Variants in REPS1 observed in about 807,000 individuals in gnomAD.
REPS1 encodes RALBP1 associated Eps domain containing 1.
REPS1 carries 39 observed loss-of-function variants against 100.9 expected under a neutral mutation model. The ratio of observed to expected loss-of-function variants is 0.39; its 90% CI spans 0.30 to 0.50. The LOEUF is 0.50. Among genes scored for constraint, REPS1 ranks in the 20% least tolerant of loss-of-function variants. The probability of loss-of-function intolerance (pLI) is 0.86; values close to 1 mark genes in which losing one functional copy is unlikely to be tolerated. For missense variants in REPS1, 821 were observed against 968.5 expected (o/e 0.85, Z 2.02); for synonymous variants, 324 against 340.3 (o/e 0.95, Z 0.53).
At chr6:138,970,423 G>C (rs981032062) in intron 1 of REPS1, among the ~76,000 whole-genome samples, 1 of 149,090 alleles carries the variant, frequency 6.7e-6, no homozygotes, top group Non-Finnish European at 1.5e-5. Context: ...ACTGGATTTG[G>C]TGATCAGGAT....
At chr6:138,940,226 G>A (rs898703939) in intron 8 of REPS1, among the ~76,000 whole-genome samples, 2 of 152,192 alleles carry the variant, frequency 1.3e-5, no homozygotes, top group African/African-American at 4.8e-5. Context: ...GATGCTGCCT[G>A]ATAGATAAAT....
intron 8 of REPS1, among the ~76,000 whole-genome samples, chr6:138,931,874 T>C (rs570139675): frequency 6.6e-6 from 1 of 152,210 alleles, no homozygotes; most frequent in African/African-American, 2.4e-5. Flanking sequence ...AGGAGAATAA[T>C]AAAGAAGTAT....
chr6:138,916,637 G>C (rs977906226), intron 13 of REPS1, among the ~76,000 whole-genome samples: 1 of 152,148 alleles, frequency 6.6e-6, no homozygotes, highest in Non-Finnish European at 1.5e-5. Context: ...ATAAAGGAAA[G>C]TCTACTTTCA....
intron 1 of REPS1, among the ~76,000 whole-genome samples, chr6:138,966,605 T>G (rs553836665): frequency 6.6e-6 from 1 of 152,328 alleles, no homozygotes; most frequent in East Asian, 1.9e-4. Context: ...TTGAAACCCA[T>G]GCTCTTTGTC....
At chr6:138,963,613 T>C (rs1184124522) in intron 1 of REPS1, among the ~76,000 whole-genome samples, 2 of 152,186 alleles carry the variant, frequency 1.3e-5, no homozygotes, top group African/African-American at 4.8e-5. Context: ...TCCAAGTGGT[T>C]TTGATTACAC....
rs560048853 is a variant in REPS1 at position 138,910,712 on chromosome 6, G to A, written c.2067+564C>T. Among the ~76,000 whole-genome samples, 10 of 152,066 alleles carry A rather than the reference G, an allele frequency of 6.6e-5. No individual in the cohort carries two copies. In the East Asian group the frequency reaches 7.7e-4, roughly 12 times the overall value. ...CATATTCCTTTATAGCAATGCAGAC[G>A]GACTAACACAGACATAAAACATATA... is the stretch of plus-strand genomic sequence containing the variant. On this transcript the variant is annotated intron_variant, in intron 17 of 19. Coordinates refer to ENST00000450536, the MANE Select transcript of REPS1 (RefSeq NM_001286611.2).
At chr6:138,963,065 T>C (rs1258567752) in intron 1 of REPS1, among the ~76,000 whole-genome samples, 7 of 152,284 alleles carry the variant, frequency 4.6e-5, no homozygotes, top group Non-Finnish European at 1.0e-4. Context: ...CCAACCTAGA[T>C]TGGGCTATCC....
chr6:138,965,540 T>C (rs1783971266), intron 1 of REPS1, among the ~76,000 whole-genome samples: 1 of 152,154 alleles, frequency 6.6e-6, no homozygotes, highest in South Asian at 2.1e-4. Context: ...TTGATCACTA[T>C]CGTATACTTA....
chr6:138,912,320 C>T (rs1372275655), intron 16 of REPS1, among the ~76,000 whole-genome samples: 1 of 152,172 alleles, frequency 6.6e-6, no homozygotes, highest in Non-Finnish European at 1.5e-5. Context: ...ATTTTAAATG[C>T]TTTAATTAGA....
At chr6:138,921,838 G>A (rs1298343344) in intron 10 of REPS1, among the ~76,000 whole-genome samples, 1 of 152,056 alleles carries the variant, frequency 6.6e-6, no homozygotes, top group Non-Finnish European at 1.5e-5. Flanking sequence ...GGCCTACAAA[G>A]TGCTGGGATT....
chr6:138,976,304 A>G (rs1213114509), intron 1 of REPS1, among the ~76,000 whole-genome samples: 1 of 152,166 alleles, frequency 6.6e-6, no homozygotes, highest in African/African-American at 2.4e-5. Flanking sequence ...CACTTCATGC[A>G]ATTTTTTTTT....
intron 1 of REPS1, among the ~76,000 whole-genome samples, chr6:138,957,582 A>T (rs898624502): frequency 5.3e-5 from 8 of 152,210 alleles, no homozygotes; most frequent in African/African-American, 1.9e-4. Context: ...AAGTAGATAC[A>T]TGCCAAGAAA....
At chr6:138,908,861 T>A in intron 17 of REPS1, 45 bp from the exon 18 acceptor site, 1 of 1,583,688 alleles carries the variant, frequency 6.3e-7, no homozygotes, top group Non-Finnish European at 8.6e-7. Context: ...TTTGAAGACA[T>A]TCATAGTTAG....
At chr6:138,960,888 T>C (rs73563034) in intron 1 of REPS1, among the ~76,000 whole-genome samples, 13,224 of 152,178 alleles carry the variant, frequency 0.087, 1,206 homozygotes, top group African/African-American at 0.23. Flanking sequence ...CATTAAGTAT[T>C]GGGAAGTATC....
rs1163244368 is a variant in REPS1 at position 138,913,817 on chromosome 6, G to T, written c.1786-867C>A. Among the ~76,000 whole-genome samples the T allele has an allele frequency of 2.0e-5, 3 of 152,286 alleles. No homozygotes were observed. In the East Asian group the frequency reaches 5.8e-4, roughly 29 times the overall value. On this transcript the variant is annotated intron_variant, in intron 15 of 19. Coordinates refer to ENST00000450536, the MANE Select transcript of REPS1 (RefSeq NM_001286611.2). ...TAACACAAACCTCCATCGCTTTGTG[G>T]ATGTCATACCTTCGGTTTGGAATAC...
At chr6:138,937,404 A>T (rs1781919834) in intron 8 of REPS1, among the ~76,000 whole-genome samples, 1 of 152,252 alleles carries the variant, frequency 6.6e-6, no homozygotes. Flanking sequence ...CTGGATGAAT[A>T]TAAGAGAAAC....
intron 1 of REPS1, among the ~76,000 whole-genome samples, chr6:138,972,458 T>A (rs977945332): frequency 1.3e-5 from 2 of 152,162 alleles, no homozygotes; most frequent in African/African-American, 4.8e-5. Flanking sequence ...TAATCAGATT[T>A]GAAATGCTCT....
intron 8 of REPS1, among the ~76,000 whole-genome samples, chr6:138,932,468 CA>C (rs1187911411): frequency 7.3e-5 from 11 of 150,414 alleles, no homozygotes; most frequent in Non-Finnish European, 1.5e-4. Flanking sequence ...TACCCCCCCC[CA>C]CATACATAAG....
intron 10 of REPS1, among the ~76,000 whole-genome samples, chr6:138,925,224 A>G (rs1396181677): frequency 6.6e-6 from 1 of 151,216 alleles, no homozygotes; most frequent in Non-Finnish European, 1.5e-5. Context: ...CAAATTAGCC[A>G]GGCATGGTGG....
Sources: allele counts gnomAD v4.1 joint callset (sites outside exome capture counted in the v4.1 genomes callset), GRCh38; gene constraint gnomAD v4.1.1; transcripts MANE v1.5; gene names NCBI Gene and HGNC (gene_info 2026-07-23, HGNC 2026-07-21).